USP32: variants seen among roughly 807,000 people sequenced by gnomAD.
USP32 encodes ubiquitin specific peptidase 32, also known as ubiquitin carboxyl-terminal hydrolase 32.
A neutral mutation model predicts 204.8 loss-of-function variants in USP32; 59 were observed. The ratio of observed to expected loss-of-function variants is 0.29; its 90% CI spans 0.23 to 0.36. The LOEUF (loss-of-function observed/expected upper bound fraction) is 0.36. Ranked by LOEUF, USP32 falls within the 10% of genes least tolerant of loss-of-function variation. USP32 has a pLI of 1.00. For synonymous variants in USP32, 517 were observed against 678.4 expected (o/e 0.76, Z 3.70); for missense variants, 1,160 against 1,946.4 (o/e 0.60, Z 7.60).
intron 1 of USP32, among the ~76,000 whole-genome samples, chr17:60,366,496 C>A (rs2089316302): frequency 6.6e-6 from 1 of 152,106 alleles, no homozygotes; most frequent in Non-Finnish European, 1.5e-5. Flanking sequence ...GAACTTCCAA[C>A]CTCAGGTGAT....
At chr17:60,405,304 G>A (rs1036721963) in intron 1 of USP32, among the ~76,000 whole-genome samples, 2 of 152,098 alleles carry the variant, frequency 1.3e-5, no homozygotes, top group African/African-American at 4.8e-5. Context: ...CTGGGTTCAA[G>A]CAACTCTCCT....
In USP32 at chr17:60,391,886, C is replaced by T; in HGVS notation, c.54G>A (p.Arg18=). 6.2e-7 allele frequency: 1 copy of T among 1,610,888 alleles called. No individual in the cohort carries two copies. Among genetic ancestry groups the T allele is most frequent in the Non-Finnish European group, 8.5e-7 (1 of 1,178,712 alleles). ...CCCAGACCCCTCCCCCCTCACCTCT[C>T]CTCAGCGCCTCCTCGTAGCTGAGGA... ...IGFLSYEEAL[R]RVTDVELKRL... is the part of the protein sequence containing the mutation. Residue 18 remains arginine (R), a synonymous_variant, in exon 1 of 34, where the codon AGG becomes AGA. Coordinates refer to ENST00000300896, the MANE Select transcript of USP32 (RefSeq NM_032582.4).
intron 5 of USP32, among the ~76,000 whole-genome samples, chr17:60,271,980 T>C (rs949371556): frequency 1.2e-4 from 18 of 152,062 alleles, no homozygotes; most frequent in African/African-American, 4.1e-4. Context: ...TCCAGCTAAT[T>C]TTTTAAAAAC....
chr17:60,232,597 A>T (rs1598109501), intron 12 of USP32, among the ~76,000 whole-genome samples: 2 of 135,186 alleles, frequency 1.5e-5, no homozygotes, highest in Non-Finnish European at 3.1e-5. Flanking sequence ...CCCAGGCTGG[A>T]GTGCAGTGGC....
rs577120055 is a variant in USP32 at position 60,306,483 on chromosome 17, C to T, written c.187-4779G>A. The stretch of plus-strand genomic sequence containing the variant: ...TAAAACCTTGTCTCTACTAAAAATA[C>T]AAAAATTAGCTGGGCGTTGTGGTGG... On this transcript the variant is annotated intron_variant, in intron 2 of 33. Coordinates refer to ENST00000300896, the MANE Select transcript of USP32 (RefSeq NM_032582.4). Among the ~76,000 whole-genome samples the T allele has an allele frequency of 1.6e-3, 238 of 151,988 alleles. 4 individuals are homozygous for T. The highest frequency in any genetic ancestry group is 1.8e-3 in the Non-Finnish European group (121 of 67,954).
chr17:60,198,169 T>C, intron 27 of USP32, 91 bp downstream of exon 27: 5 of 1,495,134 alleles, frequency 3.3e-6, no homozygotes, highest in Non-Finnish European at 4.5e-6. Flanking sequence ...TAACTTGACA[T>C]AGGCTGGGTC....
At chr17:60,372,498 A>G (rs2146090466) in intron 1 of USP32, among the ~76,000 whole-genome samples, 1 of 151,964 alleles carries the variant, frequency 6.6e-6, no homozygotes, top group East Asian at 1.9e-4. Flanking sequence ...GTATCTAAAC[A>G]TATCTAAACA....
At chr17:60,413,377 C>A (rs2090033583) in intron 1 of USP32, among the ~76,000 whole-genome samples, 1 of 152,136 alleles carries the variant, frequency 6.6e-6, no homozygotes, top group Non-Finnish European at 1.5e-5. Context: ...TAAGACCTGA[C>A]CTCCCAGATG....
chr17:60,219,333 C>CA (rs1338348896), intron 16 of USP32, among the ~76,000 whole-genome samples: 2 of 151,970 alleles, frequency 1.3e-5, no homozygotes, highest in African/African-American at 4.8e-5. Context: ...TGGCTTGTCT[C>CA]AAAGAAATAA....
At chr17:60,362,271 A>C (rs988165344) in intron 1 of USP32, among the ~76,000 whole-genome samples, 10 of 152,370 alleles carry the variant, frequency 6.6e-5, no homozygotes, top group African/African-American at 2.2e-4. Flanking sequence ...AATGTGAAGA[A>C]AAATATAGAA....
intron 12 of USP32, 50 bp from the exon 13 acceptor site, chr17:60,226,281 C>T: frequency 1.4e-6 from 2 of 1,440,362 alleles, no homozygotes; most frequent in South Asian, 1.5e-5. Context: ...AATCTGACAA[C>T]TATGTAGTCT....
intron 7 of USP32, among the ~76,000 whole-genome samples, chr17:60,267,280 G>A (rs1054682864): frequency 2.0e-5 from 3 of 151,536 alleles, no homozygotes; most frequent in Non-Finnish European, 3.0e-5. Context: ...AGTGGCGGGC[G>A]CCTGTAATCT....
chr17:60,288,113 CAAAAAAA>C (rs1045323566), intron 5 of USP32, among the ~76,000 whole-genome samples: 3 of 29,460 alleles, frequency 1.0e-4, no homozygotes, highest in East Asian at 1.4e-3. Flanking sequence ...GACTTCGTCT[CAAAAAAA>C]AAAAAAAAAA....
intron 2 of USP32, among the ~76,000 whole-genome samples, chr17:60,332,640 C>T (rs1230674450): frequency 6.6e-6 from 1 of 152,074 alleles, no homozygotes; most frequent in Non-Finnish European, 1.5e-5. Flanking sequence ...AAGAGAGAAA[C>T]TCTGTCTTAA....
upstream of USP32, among the ~76,000 whole-genome samples, chr17:60,396,378 G>A (rs537848179): frequency 2.0e-5 from 3 of 152,092 alleles, no homozygotes; most frequent in South Asian, 4.2e-4. Context: ...CGCCTGTCCC[G>A]AAGCTATTTT....
chr17:60,322,046 G>GA (rs2088124720), intron 2 of USP32, among the ~76,000 whole-genome samples: 3 of 151,902 alleles, frequency 2.0e-5, no homozygotes, highest in Non-Finnish European at 4.4e-5. Flanking sequence ...ATGAGACAGA[G>GA]AAAAAAAGTT....
chr17:60,271,359 G>T lies in USP32; in HGVS notation c.694C>A (p.Leu232Ile). ...ATGGAATGATCCCTACCTTCACTTA[G>T]AGATGGACGAATAGGTGGTGAAACC... The part of the protein sequence containing the change: ...PLVSPPIRPS[L>I]SEGLFNAFDE... The change falls in exon 6 of 34, where the codon CTA becomes ATA. Residue 232 changes from leucine to isoleucine, a missense_variant. Around this residue, in one of 8 missense-constraint regions of USP32, gnomAD observed 536 missense variants for 680.9 expected, o/e 0.79. Transcript: ENST00000300896. The T allele has an allele frequency of 6.2e-7, 1 of 1,613,994 alleles. No individual in the cohort carries two copies. The highest frequency in any genetic ancestry group is 1.1e-5 in the South Asian group (1 of 91,064).
intron 1 of USP32, among the ~76,000 whole-genome samples, chr17:60,389,589 A>G (rs2089793597): frequency 6.8e-6 from 1 of 146,308 alleles, no homozygotes; most frequent in South Asian, 2.1e-4. Context: ...CTTAAATTCT[A>G]TATTAAAGTC....
intron 1 of USP32, among the ~76,000 whole-genome samples, chr17:60,420,079 T>C (rs1040385842): frequency 3.3e-5 from 5 of 150,360 alleles, no homozygotes; most frequent in Non-Finnish European, 7.4e-5. Flanking sequence ...GTTTATTTTA[T>C]TTTATTTTAT....
Sources: allele counts gnomAD v4.1 joint callset (sites outside exome capture counted in the v4.1 genomes callset), GRCh38; gene constraint gnomAD v4.1.1; regional missense constraint gnomAD v4.1.1; transcripts MANE v1.5; gene names NCBI Gene and HGNC (gene_info 2026-07-23, HGNC 2026-07-21).